The following AKT3 variants were observed in gnomAD, a reference collection of about 807,000 sequenced individuals.
AKT3 encodes AKT serine/threonine kinase 3.
AKT3 carries 15 observed loss-of-function variants against 65.3 expected under a neutral mutation model. That is an observed-to-expected ratio of 0.23 (90% CI 0.15 to 0.35). The LOEUF is 0.35. Among genes scored for constraint, AKT3 ranks in the 10% least tolerant of loss-of-function variants. AKT3 has a pLI of 1.00. For synonymous variants in AKT3, 206 were observed against 183.8 expected (o/e 1.12, Z -0.98); for missense variants, 243 against 576.5 (o/e 0.42, Z 5.92).
intron 2 of AKT3, among the ~76,000 whole-genome samples, chr1:243,725,985 A>G (rs1046838202): frequency 3.3e-5 from 5 of 152,220 alleles, no homozygotes; most frequent in African/African-American, 9.6e-5. Context: ...GCCTTTTTAA[A>G]AGGTTAGTTC....
chr1:243,601,981 C>G (rs1268403508), intron 8 of AKT3, among the ~76,000 whole-genome samples: 2 of 152,106 alleles, frequency 1.3e-5, no homozygotes, highest in Admixed American at 1.3e-4. Context: ...AGAAGTTTGA[C>G]TACCTTGAAA....
At position 243,799,124 on chromosome 1, in the gene AKT3, T is replaced by TAAAG. The variant is rs1218533280; in HGVS notation, c.46+44000_46+44001insCTTT. 6.4e-4 allele frequency among the ~76,000 whole-genome samples: 97 copies of TAAAG among 152,334 alleles called. 4 individuals are homozygous for TAAAG. The South Asian group carries it at 0.02, about 31-fold the overall frequency. ...ATTTATCTTTACATCCTTGAGCTCTTTATATCTTTATATACTGTGTGCTTG... is the reference window on the plus strand; with the variant it reads ...ATTTATCTTTACATCCTTGAGCTCTTAAAGTATATCTTTATATACTGTGTGCTTG... On this transcript the variant is annotated intron_variant, in intron 2 of 13. Transcript: ENST00000673466.
intron 2 of AKT3, among the ~76,000 whole-genome samples, chr1:243,798,202 AG>A (rs1311087170): frequency 6.5e-4 from 78 of 120,776 alleles, no homozygotes; most frequent in African/African-American, 2.3e-3. Flanking sequence ...CCACTGTGCC[AG>A]GCCCTTTTTT....
chr1:243,703,519 G>T (rs1175951447), intron 2 of AKT3, among the ~76,000 whole-genome samples: 1 of 152,086 alleles, frequency 6.6e-6, no homozygotes, highest in Non-Finnish European at 1.5e-5. Flanking sequence ...CCAGCACTTT[G>T]GGAGGCTGAG....
chr1:243,553,514 T>C (rs966849334), intron 10 of AKT3, among the ~76,000 whole-genome samples: 2 of 152,186 alleles, frequency 1.3e-5, no homozygotes, highest in African/African-American at 4.8e-5. Context: ...TTCAACTCTT[T>C]CTGGAACTAT....
intron 13 of AKT3, among the ~76,000 whole-genome samples, chr1:243,506,923 G>A (rs577205036): frequency 3.9e-5 from 6 of 152,174 alleles, no homozygotes; most frequent in African/African-American, 7.2e-5. Flanking sequence ...CAGTAAAAAC[G>A]GAAGGAGCTG....
At position 243,647,360 on chromosome 1, in the gene AKT3, C is replaced by T. The variant is rs1680900391; in HGVS notation, c.285-1323G>A. Among the ~76,000 whole-genome samples the T allele has an allele frequency of 2.6e-5, 4 of 152,154 alleles. No homozygotes were observed. In the South Asian group the frequency reaches 8.3e-4, roughly 31 times the overall value. Reference sequence around the variant, plus strand: ...CTATAGTATTCAGTACACTAACATGCTGTACAGGTTTGTAAACTGTGAGCA... The same window carrying T: ...CTATAGTATTCAGTACACTAACATGTTGTACAGGTTTGTAAACTGTGAGCA... On this transcript the variant is annotated intron_variant, in intron 4 of 13. Transcript: ENST00000673466.
At chr1:243,580,269 G>A (rs1675238145) in intron 8 of AKT3, among the ~76,000 whole-genome samples, 1 of 152,124 alleles carries the variant, frequency 6.6e-6, no homozygotes, top group Non-Finnish European at 1.5e-5. Context: ...GCATGAGAGA[G>A]GCAAGGAGCC....
chr1:243,824,467 A>G (rs1256583770), intron 2 of AKT3, among the ~76,000 whole-genome samples: 1 of 152,184 alleles, frequency 6.6e-6, no homozygotes, highest in Non-Finnish European at 1.5e-5. Context: ...ATCAGAGTGA[A>G]CAGACAATGT....
At chr1:243,851,061 G>C (rs1431255540), upstream of AKT3, 1 of 152,368 alleles carries the variant, frequency 6.6e-6, no homozygotes, top group East Asian at 1.9e-4. Flanking sequence ...GGAAGCCCAC[G>C]AAGTGGGCGG....
intron 2 of AKT3, among the ~76,000 whole-genome samples, chr1:243,721,013 A>T (rs1360690874): frequency 6.6e-6 from 1 of 152,072 alleles, no homozygotes; most frequent in Admixed American, 6.6e-5. Context: ...GATCTCTCTC[A>T]TCTTCTCCTG....
chr1:243,601,820 T>C (rs965996537), intron 8 of AKT3, among the ~76,000 whole-genome samples: 1 of 152,200 alleles, frequency 6.6e-6, no homozygotes, highest in Non-Finnish European at 1.5e-5. Context: ...AGCCTGTAAG[T>C]ATGTTTTCAG....
chr1:243,760,733 C>T (rs1247788260), intron 2 of AKT3, among the ~76,000 whole-genome samples: 1 of 152,010 alleles, frequency 6.6e-6, no homozygotes, highest in African/African-American at 2.4e-5. Flanking sequence ...TTTTGTGCTT[C>T]CTGTTGGTGA....
At chr1:243,763,591 T>G (rs1257043232) in intron 2 of AKT3, among the ~76,000 whole-genome samples, 1 of 152,062 alleles carries the variant, frequency 6.6e-6, no homozygotes, top group Non-Finnish European at 1.5e-5. Context: ...ACAGAGCAGA[T>G]GTACACATCA....
intron 8 of AKT3, among the ~76,000 whole-genome samples, chr1:243,588,474 C>T (rs770031370): frequency 4.6e-5 from 7 of 152,120 alleles, no homozygotes; most frequent in African/African-American, 7.2e-5. Context: ...GTAAATACTG[C>T]CTTCCAGAAT....
In AKT3 at chr1:243,572,971, G is replaced by A; in HGVS notation, c.774C>T (p.Ala258=). Residue 258 remains alanine, a synonymous_variant, in exon 9 of 14, where the codon GCC becomes GCT. Coordinates refer to ENST00000673466, the MANE Select transcript of AKT3 (RefSeq NM_005465.7). ...TCTTTCCGGAATGTAGATAGTCCAA[G>A]GCAGAGACAATTTCTGCACCATAGA... ...TRFYGAEIVS[A]LDYLHSGKIV... The A allele has an allele frequency of 2.5e-6, 4 of 1,612,808 alleles. No individual in the cohort carries two copies. Among genetic ancestry groups the A allele is most frequent in the Non-Finnish European group, 3.4e-6 (4 of 1,179,504 alleles).
intron 13 of AKT3, among the ~76,000 whole-genome samples, chr1:243,492,919 A>G (rs2148290856): frequency 6.6e-6 from 1 of 152,010 alleles, no homozygotes. Flanking sequence ...GCTTGTTCTT[A>G]GTTTAGGGTG....
At chr1:243,810,789 G>C (rs1401284248) in intron 2 of AKT3, among the ~76,000 whole-genome samples, 2 of 152,146 alleles carry the variant, frequency 1.3e-5, no homozygotes, top group African/African-American at 4.8e-5. Flanking sequence ...TAAAATACTG[G>C]CAAACCAAAT....
intron 2 of AKT3, among the ~76,000 whole-genome samples, chr1:243,794,769 T>C (rs1011652912): frequency 1.3e-4 from 20 of 152,322 alleles, no homozygotes; most frequent in Admixed American, 6.5e-5. Flanking sequence ...TGCTCAAAAA[T>C]AAGAACCCAG....
Sources: gnomAD v4.1 joint callset for allele counts (sites outside exome capture counted in the v4.1 genomes callset) on GRCh38, gnomAD v4.1.1 for gene constraint, MANE v1.5 for transcripts, NCBI Gene and HGNC (gene_info 2026-07-23, HGNC 2026-07-21) for gene names.